Variants in AKT2 observed in about 807,000 individuals in gnomAD.
The protein encoded by AKT2 is AKT serine/threonine kinase 2.
Under a neutral mutation model 58.6 loss-of-function variants are expected in AKT2, and 16 were observed. The observed-to-expected ratio is 0.27, with a 90% CI of 0.18 to 0.41. AKT2 has a LOEUF of 0.41. Among genes scored for constraint, AKT2 ranks in the 10% least tolerant of loss-of-function variants. The probability of loss-of-function intolerance (pLI) is 1.00; values close to 1 mark genes in which losing one functional copy is unlikely to be tolerated. For missense variants in AKT2, 438 were observed against 661.0 expected (o/e 0.66, Z 3.70); for synonymous variants, 253 against 254.0 (o/e 1.00, Z 0.04).
At position 40,258,975 on chromosome 19, in the gene AKT2, A is replaced by G. The variant is rs557526908; in HGVS notation, c.47-1921T>C. Reference sequence around the variant, plus strand: ...AAAATAATATTGAAAAAGAAAAATAAAGTTAAATACTTTCCAATTTCAAAA... The same window carrying G: ...AAAATAATATTGAAAAAGAAAAATAGAGTTAAATACTTTCCAATTTCAAAA... On this transcript the variant is annotated intron_variant, in intron 2 of 13. Transcript: ENST00000392038. Among the ~76,000 whole-genome samples, 3 of 152,296 alleles carry G rather than the reference A, an allele frequency of 2.0e-5. No individual in the cohort carries two copies. The South Asian group carries it at 6.2e-4, about 32-fold the overall frequency.
At position 40,232,173 on chromosome 19, in the gene AKT2, G is replaced by C; in HGVS notation, c.*1699C>G. On this transcript the variant is annotated 3_prime_UTR_variant, in exon 14 of 14. Transcript: ENST00000392038. ...CAGCTCCACCCACCCTCTCCAGCCT[G>C]AGCTCCTGCACACACCCCAGCTGCC... 1 of 233,674 alleles carries C rather than the reference G, an allele frequency of 4.3e-6. No individual in the cohort carries two copies. The highest frequency in any genetic ancestry group is 8.5e-6 in the Non-Finnish European group (1 of 118,332). The allele number at this position is 233,674 out of a possible 1,614,324, so 14.5% of individuals were successfully genotyped here.
At chr19:40,256,602 A>T (rs765887035) in intron 3 of AKT2, among the ~76,000 whole-genome samples, 1 of 152,178 alleles carries the variant, frequency 6.6e-6, no homozygotes, top group Non-Finnish European at 1.5e-5. Context: ...GCTGTTACCA[A>T]AGCACAGGAT....
Position 40,238,869 on chromosome 19 carries a change from G to A in AKT2, c.708+36C>T. 1 of 1,607,626 alleles carries A rather than the reference G, an allele frequency of 6.2e-7. No homozygotes were observed. Among genetic ancestry groups the A allele is most frequent in the Non-Finnish European group, 8.5e-7 (1 of 1,174,318 alleles). ...ATCCCGCCCCACCCTAAAGAAGGAG[G>A]CCCCAGAGGGCAAAGTCAAGGCAGC... On this transcript the variant is annotated intron_variant, in intron 8 of 13. Transcript: ENST00000392038. The surrounding 1 kb of genome is among the most constrained non-coding windows in gnomAD (Gnocchi z 5.1).
At chr19:40,247,440 G>C (rs1974823978) in intron 4 of AKT2, among the ~76,000 whole-genome samples, 2 of 152,200 alleles carry the variant, frequency 1.3e-5, no homozygotes, top group African/African-American at 4.8e-5. Flanking sequence ...GGATGTGGCA[G>C]AGCTGGCACT....
At chr19:40,281,714 G>A (rs188299529) in intron 1 of AKT2, among the ~76,000 whole-genome samples, 93 of 152,326 alleles carry the variant, frequency 6.1e-4, no homozygotes, top group African/African-American at 2.2e-3. Context: ...AGTGCTCTCT[G>A]ACACGGTTCT....
At chr19:40,239,702 T>C (rs1210067972) in intron 7 of AKT2, 1 of 443,910 alleles carries the variant, frequency 2.3e-6, no homozygotes, top group Non-Finnish European at 4.3e-6. Context: ...TGAGCATATC[T>C]GAAAACAAAA....
In AKT2 at chr19:40,235,979, G is replaced by C; in HGVS notation, c.1086C>G (p.Ile362Met). Reference sequence around the variant, plus strand: ...GCGGGAAGCGGATCTCTTCCATGAGGATGAGCTCGAAGAGGCGCTCGTGGT... The same window carrying C: ...GCGGGAAGCGGATCTCTTCCATGAGCATGAGCTCGAAGAGGCGCTCGTGGT... ...NQDHERLFEL[I>M]LMEEIRFPRT... Residue 362 changes from isoleucine (I) to methionine (M), a missense_variant, in exon 11 of 14, where the codon ATC becomes ATG. By Grantham distance (10) the Ile-to-Met change is conservative. This residue lies in a region of AKT2 where 148 missense variants were observed against 199.5 expected (regional missense o/e 0.74). Coordinates refer to ENST00000392038, the MANE Select transcript of AKT2 (RefSeq NM_001626.6). This position sits in a 1 kb window ranked among gnomAD's most constrained non-coding sequence, Gnocchi z 6.3. 1 of 1,614,092 alleles carries C rather than the reference G, an allele frequency of 6.2e-7. No individual in the cohort carries two copies. The highest frequency in any genetic ancestry group is 1.1e-5 in the South Asian group (1 of 91,084).
At chr19:40,247,283 G>A (rs1230733021) in intron 4 of AKT2, among the ~76,000 whole-genome samples, 1 of 152,148 alleles carries the variant, frequency 6.6e-6, no homozygotes, top group Admixed American at 6.5e-5. Context: ...GGTAAACCAC[G>A]ACTGTAAAAA....
chr19:40,233,594 A>C lies in AKT2; in HGVS notation c.*278T>G, dbSNP rs1240026373. Reference sequence around the variant, plus strand: ...TCACCCCTCACTGGGGCTTGTGTGGATTAAAACCTGAATCTCCAACCGCCC... The same window carrying C: ...TCACCCCTCACTGGGGCTTGTGTGGCTTAAAACCTGAATCTCCAACCGCCC... On this transcript the variant is annotated 3_prime_UTR_variant, in exon 14 of 14. Coordinates refer to ENST00000392038, the MANE Select transcript of AKT2 (RefSeq NM_001626.6). The surrounding 1 kb of genome is among the most constrained non-coding windows in gnomAD (Gnocchi z 4.3). 1.4e-6 allele frequency: 1 copy of C among 714,542 alleles called. No homozygotes were observed. Among genetic ancestry groups the C allele is most frequent in the South Asian group, 1.4e-5 (1 of 73,292 alleles). The allele number at this position is 714,542 out of a possible 1,614,324, so 44.3% of individuals were successfully genotyped here. A position where few individuals can be genotyped will look rare whatever the true frequency, so the allele number is the denominator to read the frequency against.
At chr19:40,283,305 C>A (rs1296769002) in intron 1 of AKT2, 1 of 152,268 alleles carries the variant, frequency 6.6e-6, no homozygotes, top group Non-Finnish European at 1.5e-5. Flanking sequence ...TTACTGTCAG[C>A]CATCAATTTC....
At chr19:40,267,150 G>A (rs1370168190) in intron 1 of AKT2, among the ~76,000 whole-genome samples, 1 of 151,928 alleles carries the variant, frequency 6.6e-6, no homozygotes, top group Non-Finnish European at 1.5e-5. Context: ...ACATTCAGCA[G>A]CTAGAGGGAT....
chr19:40,261,900 T>C (rs1311423368), intron 2 of AKT2, among the ~76,000 whole-genome samples: 1 of 123,002 alleles, frequency 8.1e-6, no homozygotes, highest in Non-Finnish European at 1.9e-5. Flanking sequence ...GTAAATTTCA[T>C]CCCCGTTTTT....
rs144893134 is a variant in AKT2, at chr19:40,230,584, C to T, written c.*3288G>A. The T allele has an allele frequency of 3.9e-4, 90 of 228,524 alleles. No individual in the cohort carries two copies. The East Asian group carries it at 5.6e-3, about 14-fold the overall frequency. The allele number at this position is 228,524 out of a possible 1,614,324, so 14.2% of individuals were successfully genotyped here. A position where few individuals can be genotyped will look rare whatever the true frequency, so the allele number is the denominator to read the frequency against. On this transcript the variant is annotated 3_prime_UTR_variant, in exon 14 of 14. Coordinates refer to ENST00000392038, the MANE Select transcript of AKT2 (RefSeq NM_001626.6). Reference sequence around the variant, plus strand: ...ATTACACAAAAAGAGCAGGAAACTACCAATTTATGATGCCGTGTCCATTTG... The same window carrying T: ...ATTACACAAAAAGAGCAGGAAACTATCAATTTATGATGCCGTGTCCATTTG...
Position 40,238,189 on chromosome 19 carries a change from A to G in AKT2, c.709-98T>C. 6.8e-7 allele frequency: 1 copy of G among 1,471,836 alleles called. No homozygotes were observed. Among genetic ancestry groups the G allele is most frequent in the Non-Finnish European group, 9.2e-7 (1 of 1,086,156 alleles). The allele number at this position is 1,471,836 out of a possible 1,614,324, so 91.2% of individuals were successfully genotyped here. On this transcript the variant is annotated intron_variant, in intron 8 of 13. Coordinates refer to ENST00000392038, the MANE Select transcript of AKT2 (RefSeq NM_001626.6). This position sits in a 1 kb window ranked among gnomAD's most constrained non-coding sequence, Gnocchi z 5.1. ...TGCCCCAGCGCAGTGATGTGGTGAC[A>G]CCTGTATCATGAACCAGCAAGTGAC... is the stretch of plus-strand genomic sequence containing the variant.
chr19:40,267,946 C>G (rs561113734), intron 1 of AKT2, among the ~76,000 whole-genome samples: 3 of 7,988 alleles, frequency 3.8e-4, no homozygotes, highest in East Asian at 4.3e-3. Context: ...AGGGAGTGAG[C>G]TGTGTAACAC....
chr19:40,276,415 G>C (rs2077326607), intron 1 of AKT2, among the ~76,000 whole-genome samples: 3 of 119,256 alleles, frequency 2.5e-5, no homozygotes, highest in South Asian at 5.8e-4. Flanking sequence ...CGCCAGGCTG[G>C]AGTGCAGTAG....
chr19:40,233,663 G>A lies in AKT2; in HGVS notation c.*209C>T. On this transcript the variant is annotated 3_prime_UTR_variant, in exon 14 of 14. Transcript: ENST00000392038. This position sits in a 1 kb window ranked among gnomAD's most constrained non-coding sequence, Gnocchi z 4.3. ...GGGAGGTGGAGTCTTCCAAATGCGA[G>A]TCTGGGCACAAAGGTGAGGCTGGAG... The A allele has an allele frequency of 1.3e-6, 1 of 763,050 alleles. No individual in the cohort carries two copies. The highest frequency in any genetic ancestry group is 2.4e-6 in the Non-Finnish European group (1 of 417,922). The allele number at this position is 763,050 out of a possible 1,614,324, so 47.3% of individuals were successfully genotyped here.
In AKT2 at chr19:40,233,462, T is replaced by C. The variant is rs1331242622; in HGVS notation, c.*410A>G. The C allele has an allele frequency of 9.5e-6, 5 of 526,238 alleles. No homozygotes were observed. The highest frequency in any genetic ancestry group is 1.5e-5 in the Non-Finnish European group (4 of 272,506). The allele number at this position is 526,238 out of a possible 1,614,324, so 32.6% of individuals were successfully genotyped here. A position where few individuals can be genotyped will look rare whatever the true frequency, so the allele number is the denominator to read the frequency against. ...GAAGGCAGCACCACTGTCTGCCGGG[T>C]GTCGCGTCCCACCAGAAGGCAGCCT... is the stretch of plus-strand genomic sequence containing the variant. On this transcript the variant is annotated 3_prime_UTR_variant, in exon 14 of 14. Coordinates refer to ENST00000392038, the MANE Select transcript of AKT2 (RefSeq NM_001626.6). This position sits in a 1 kb window ranked among gnomAD's most constrained non-coding sequence, Gnocchi z 4.3.
intron 3 of AKT2, 59 bp from the exon 4 acceptor site, chr19:40,255,328 C>T (rs1376727791): frequency 1.2e-5 from 18 of 1,447,600 alleles, no homozygotes; most frequent in Non-Finnish European, 1.6e-5. Context: ...TAGCCTGCAG[C>T]CCAAAGTGCC....
Sources: allele counts gnomAD v4.1 joint callset (sites outside exome capture counted in the v4.1 genomes callset), GRCh38; gene constraint gnomAD v4.1.1; regional missense constraint gnomAD v4.1.1; non-coding constraint Gnocchi (gnomAD v3.1); transcripts MANE v1.5; gene names NCBI Gene and HGNC (gene_info 2026-07-23, HGNC 2026-07-21).